The following KCND3 variants were observed in gnomAD, a reference collection of about 807,000 sequenced individuals.
KCND3 encodes A-type voltage-gated potassium channel KCND3.
In KCND3, 9 loss-of-function variants were observed where a neutral mutation model predicts 51.1. The ratio of observed to expected loss-of-function variants is 0.18; its 90% confidence interval spans 0.11 to 0.31. The LOEUF (loss-of-function observed/expected upper bound fraction) is 0.31. Ranked by LOEUF, KCND3 falls within the 10% of genes least tolerant of loss-of-function variation. The pLI is 1.00. For missense variants in KCND3, 526 were observed against 903.8 expected (o/e 0.58, Z 5.36); for synonymous variants, 349 against 368.0 (o/e 0.95, Z 0.59).
At chr1:111,849,492 C>A (rs1667711083) in intron 2 of KCND3, among the ~76,000 whole-genome samples, 1 of 152,228 alleles carries the variant, frequency 6.6e-6, no homozygotes, top group Admixed American at 6.5e-5. Context: ...TGGCTTCAGG[C>A]CTGGCCCAGT....
intron 2 of KCND3, among the ~76,000 whole-genome samples, chr1:111,967,655 G>A (rs936403911): frequency 7.2e-5 from 11 of 152,224 alleles, no homozygotes; most frequent in African/African-American, 2.4e-4. Context: ...GGGAATAGAA[G>A]GACCCCAGTG....
At chr1:111,845,147 G>A (rs1012482407) in intron 2 of KCND3, among the ~76,000 whole-genome samples, 5 of 152,168 alleles carry the variant, frequency 3.3e-5, no homozygotes, top group South Asian at 2.1e-4. Context: ...TCCAGTGGGC[G>A]CTCTTCAGTC....
chr1:111,986,255 T>C lies in KCND3; in HGVS notation c.-73+3250A>G, dbSNP rs186322495. On this transcript the variant is annotated intron_variant, in intron 1 of 7. Coordinates refer to ENST00000302127, the MANE Select transcript of KCND3 (RefSeq NM_001378969.1). ...ACTTTTACACACAACATTTAATTTA[T>C]TCCCACTAAAATCCTATGATAAAGG... 3.3e-5 allele frequency among the ~76,000 whole-genome samples: 5 copies of C among 152,352 alleles called. No individual in the cohort carries two copies. The East Asian group carries it at 9.6e-4, about 29-fold the overall frequency.
At chr1:111,885,467 T>A (rs1669526748) in intron 2 of KCND3, among the ~76,000 whole-genome samples, 1 of 152,218 alleles carries the variant, frequency 6.6e-6, no homozygotes, top group African/African-American at 2.4e-5. Context: ...CAGGGCAGTG[T>A]GCACTACACA....
intron 2 of KCND3, among the ~76,000 whole-genome samples, chr1:111,827,246 C>T (rs1472560721): frequency 2.0e-5 from 3 of 152,304 alleles, no homozygotes; most frequent in Non-Finnish European, 2.9e-5. Context: ...ACGCAGATGA[C>T]GGTTGGAATT....
intron 2 of KCND3, among the ~76,000 whole-genome samples, chr1:111,829,561 C>T (rs557507129): frequency 2.6e-4 from 40 of 152,282 alleles, no homozygotes; most frequent in African/African-American, 7.5e-4. Flanking sequence ...ATTTCAGATA[C>T]GCTGACTTTG....
At chr1:111,878,193 A>G (rs1249487937) in intron 2 of KCND3, among the ~76,000 whole-genome samples, 2 of 152,218 alleles carry the variant, frequency 1.3e-5, no homozygotes, top group African/African-American at 4.8e-5. Flanking sequence ...GCTTGATGCC[A>G]CTGCCAACTT....
chr1:111,902,505 C>T (rs1336707768), intron 2 of KCND3, among the ~76,000 whole-genome samples: 2 of 152,118 alleles, frequency 1.3e-5, no homozygotes, highest in African/African-American at 2.4e-5. Context: ...CTATGTGGAG[C>T]CAACTTGATT....
At chr1:111,854,184 AC>A (rs1667951868) in intron 2 of KCND3, 1 of 152,242 alleles carries the variant, frequency 6.6e-6, no homozygotes, top group African/African-American at 2.4e-5. Flanking sequence ...CAAAGCAGGC[AC>A]CTGGCAGCTG....
At chr1:111,830,032 T>A (rs962231011) in intron 2 of KCND3, among the ~76,000 whole-genome samples, 2 of 152,146 alleles carry the variant, frequency 1.3e-5, no homozygotes, top group African/African-American at 4.8e-5. Flanking sequence ...TCTTCTCCCC[T>A]CCATCTAATT....
intron 2 of KCND3, among the ~76,000 whole-genome samples, chr1:111,955,460 T>C (rs532741200): frequency 6.6e-6 from 1 of 152,140 alleles, no homozygotes; most frequent in Non-Finnish European, 1.5e-5. Context: ...TCAAGAAGCC[T>C]CTCATGGTGT....
rs1664325572 is a variant in KCND3 at position 111,780,419 on chromosome 1, T to C, written c.1372-105A>G. 1 of 1,200,148 alleles carries C rather than the reference T, an allele frequency of 8.3e-7. No individual in the cohort carries two copies. Among genetic ancestry groups the C allele is most frequent in the Non-Finnish European group, 1.2e-6 (1 of 829,712 alleles). The allele number at this position is 1,200,148 out of a possible 1,614,324, so 74.3% of individuals were successfully genotyped here. ...TCAAAGGGCAATAGAATAATCAAAT[T>C]TTTTTTTATTTGACCAAATTTCAGG... is the stretch of plus-strand genomic sequence containing the variant. On this transcript the variant is annotated intron_variant, in intron 4 of 7. Transcript: ENST00000302127. The surrounding 1 kb of genome is among the most constrained non-coding windows in gnomAD (Gnocchi z 4.2).
intron 2 of KCND3, among the ~76,000 whole-genome samples, chr1:111,980,414 G>A (rs1010768078): frequency 2.6e-5 from 4 of 151,814 alleles, no homozygotes; most frequent in South Asian, 2.1e-4. Flanking sequence ...AAAAGGTCTC[G>A]TCACCTGCTC....
chr1:111,948,908 C>T (rs1181608199), intron 2 of KCND3, among the ~76,000 whole-genome samples: 1 of 152,050 alleles, frequency 6.6e-6, no homozygotes, highest in Non-Finnish European at 1.5e-5. Flanking sequence ...CAAGTCCAAA[C>T]AAAGAAGAAC....
chr1:111,900,062 T>G (rs564162852), intron 2 of KCND3, among the ~76,000 whole-genome samples: 1 of 152,152 alleles, frequency 6.6e-6, no homozygotes, highest in African/African-American at 2.4e-5. Context: ...TACTGTGTCT[T>G]GCCTGGGACC....
chr1:111,907,439 C>T (rs750433881), intron 2 of KCND3, among the ~76,000 whole-genome samples: 4 of 152,140 alleles, frequency 2.6e-5, no homozygotes, highest in African/African-American at 4.8e-5. Flanking sequence ...GCCCTTGTAT[C>T]GGCTGTCAGC....
At chr1:111,918,383 T>C (rs1414727428) in intron 2 of KCND3, among the ~76,000 whole-genome samples, 3 of 152,194 alleles carry the variant, frequency 2.0e-5, no homozygotes, top group Non-Finnish European at 4.4e-5. Context: ...AATTAATTGA[T>C]AGGCATAGGG....
chr1:111,847,379 G>A (rs528827633), intron 2 of KCND3, among the ~76,000 whole-genome samples: 2 of 152,244 alleles, frequency 1.3e-5, no homozygotes, highest in East Asian at 1.9e-4. Flanking sequence ...TTGCTGCAAC[G>A]TGGGCTCGCC....
chr1:111,924,539 A>G (rs1267039545), intron 2 of KCND3, among the ~76,000 whole-genome samples: 1 of 152,190 alleles, frequency 6.6e-6, no homozygotes, highest in Non-Finnish European at 1.5e-5. Flanking sequence ...GGGTTGTCCA[A>G]TGGAACAGCA....
Sources: gnomAD v4.1 joint callset for allele counts (sites outside exome capture counted in the v4.1 genomes callset) on GRCh38, gnomAD v4.1.1 for gene constraint, Gnocchi (gnomAD v3.1) non-coding constraint, MANE v1.5 for transcripts, NCBI Gene and HGNC (gene_info 2026-07-23, HGNC 2026-07-21) for gene names.